Variants in TTC28 observed in about 807,000 individuals in gnomAD.
The protein encoded by TTC28 is tetratricopeptide repeat domain 28.
TTC28 carries 61 observed loss-of-function variants against 198.0 expected under a neutral mutation model. That is an observed-to-expected ratio of 0.31 (90% CI 0.25 to 0.38). The LOEUF (loss-of-function observed/expected upper bound fraction) is 0.38, where lower values mean the gene tolerates loss of function less well. Among genes scored for constraint, TTC28 ranks in the 10% least tolerant of loss-of-function variants. The pLI is 1.00. For synonymous variants in TTC28, 1,171 were observed against 1,297.8 expected, an observed-to-expected ratio of 0.90 and a Z score of 2.10; for missense variants, 2,678 against 3,164.0, an observed-to-expected ratio of 0.85 and a Z score of 3.69.
At chr22:28,145,820 T>G (rs536629879) in intron 6 of TTC28, among the ~76,000 whole-genome samples, 1 of 152,298 alleles carries the variant, frequency 6.6e-6, no homozygotes, top group Admixed American at 6.5e-5. Flanking sequence ...ATTACAACAG[T>G]TTTGAGTGTT....
intron 21 of TTC28, 55 bp downstream of exon 21, chr22:27,989,821 CAG>C (rs923738559): frequency 6.3e-5 from 96 of 1,519,282 alleles, no homozygotes; most frequent in African/African-American, 6.2e-4. Context: ...GGAGGAAAAA[CAG>C]AGATTTAAAA....
intron 2 of TTC28, among the ~76,000 whole-genome samples, chr22:28,358,761 T>C (rs1327487899): frequency 6.6e-6 from 1 of 152,190 alleles, no homozygotes; most frequent in Non-Finnish European, 1.5e-5. Flanking sequence ...GAGGTACCCA[T>C]GTGTCCACTG....
intron 19 of TTC28, among the ~76,000 whole-genome samples, 197 bp from the exon 20 acceptor site, chr22:27,991,009 G>A (rs1296346352): frequency 1.3e-5 from 2 of 152,156 alleles, no homozygotes; most frequent in African/African-American, 2.4e-5. Context: ...ACCCAGGCCA[G>A]CCGCGTGCGG....
rs774572814 is a variant in TTC28, at chr22:27,983,474, C to G, written c.6193G>C (p.Glu2065Gln). The G allele has an allele frequency of 1.2e-5, 19 of 1,545,984 alleles. No homozygotes were observed. Among genetic ancestry groups the G allele is most frequent in the Admixed American group, 4.1e-5 (2 of 49,274 alleles). Residue 2065 changes from glutamate to glutamine, a missense_variant, in exon 23 of 23, where the codon GAG (glutamate) becomes CAG (glutamine). Around this residue, in one of 8 missense-constraint regions of TTC28, gnomAD observed 622 missense variants for 656.0 expected, o/e 0.95. Coordinates refer to ENST00000397906, the MANE Select transcript of TTC28 (RefSeq NM_001145418.2). ...TTTTCTTGGTAGGTCGCCAAGGGCT[C>G]GTTACTGATGATAGAAAACCCTTCA... is the stretch of plus-strand genomic sequence containing the variant. ...EYEGFSIISN[E>Q]PLATYQENRN...
At chr22:28,661,598 G>GAAAAA (rs2051748867) in intron 1 of TTC28, among the ~76,000 whole-genome samples, 1 of 151,536 alleles carries the variant, frequency 6.6e-6, no homozygotes, top group Admixed American at 6.6e-5. Context: ...TTGACTGATT[G>GAAAAA]ATAGACAGAT....
chr22:28,600,827 G>C (rs577584010), intron 2 of TTC28, among the ~76,000 whole-genome samples: 69 of 152,254 alleles, frequency 4.5e-4, no homozygotes, highest in Non-Finnish European at 9.0e-4. Flanking sequence ...TGGTCACAAG[G>C]ATTTATAAAA....
intron 2 of TTC28, among the ~76,000 whole-genome samples, chr22:28,353,492 A>G (rs1002911083): frequency 4.6e-5 from 7 of 152,210 alleles, no homozygotes; most frequent in African/African-American, 1.4e-4. Flanking sequence ...TGGCATAAAG[A>G]CAGACATTGA....
intron 2 of TTC28, among the ~76,000 whole-genome samples, chr22:28,520,772 G>A (rs1447730785): frequency 2.6e-5 from 4 of 151,774 alleles, no homozygotes; most frequent in African/African-American, 9.7e-5. Context: ...ACAAAACAGG[G>A]CCTGGCAAGG....
chr22:28,086,438 A>G (rs902045193), intron 12 of TTC28, among the ~76,000 whole-genome samples: 2 of 152,196 alleles, frequency 1.3e-5, no homozygotes, highest in African/African-American at 4.8e-5. Flanking sequence ...AAATGAAGGC[A>G]GAAATAAAGA....
chr22:28,321,703 T>G (rs926515915), intron 2 of TTC28, among the ~76,000 whole-genome samples: 2 of 152,136 alleles, frequency 1.3e-5, no homozygotes, highest in African/African-American at 4.8e-5. Flanking sequence ...AATGACAACT[T>G]AGAAAAAGTT....
intron 5 of TTC28, among the ~76,000 whole-genome samples, chr22:28,193,459 G>A (rs951893642): frequency 1.1e-4 from 16 of 152,112 alleles, no homozygotes; most frequent in Admixed American, 2.6e-4. Context: ...ATGTAAATGG[G>A]CTAAATGCTC....
intron 2 of TTC28, among the ~76,000 whole-genome samples, chr22:28,519,188 A>C (rs118074551): frequency 1.8e-4 from 27 of 152,308 alleles, no homozygotes; most frequent in Admixed American, 1.2e-3. Context: ...AATTTTTAAC[A>C]ATCAGATCCA....
intron 6 of TTC28, among the ~76,000 whole-genome samples, chr22:28,121,439 C>T (rs1291516482): frequency 6.6e-6 from 1 of 152,194 alleles, no homozygotes; most frequent in Non-Finnish European, 1.5e-5. Flanking sequence ...CAGTTTTTCT[C>T]CCTCTGATCA....
At position 27,993,435 on chromosome 22, in the gene TTC28, G is replaced by T. The variant is rs756419555; in HGVS notation, c.5328C>A (p.Gly1776=). Residue 1776 remains glycine, a synonymous_variant, in exon 18 of 23, where the codon GGC becomes GGA. Coordinates refer to ENST00000397906, the MANE Select transcript of TTC28 (RefSeq NM_001145418.2). ...TSQQSVENKV[G]GIPGWQALLT... ...GGAGGGCCTGCCAGCCAGGGATGCC[G>T]CCCACTTTGTTCTCCACACTCTGCT... is the stretch of plus-strand genomic sequence containing the variant. The T allele has an allele frequency of 6.4e-7, 1 of 1,551,572 alleles. No homozygotes were observed. The highest frequency in any genetic ancestry group is 1.4e-5 in the African/African-American group (1 of 73,186).
intron 2 of TTC28, among the ~76,000 whole-genome samples, chr22:28,408,912 A>G (rs2047039628): frequency 6.6e-6 from 1 of 152,234 alleles, no homozygotes; most frequent in Non-Finnish European, 1.5e-5. Flanking sequence ...ACTAGGCAAC[A>G]GTATATCTTG....
chr22:28,609,598 C>T (rs1253399290), intron 2 of TTC28, among the ~76,000 whole-genome samples: 1 of 152,194 alleles, frequency 6.6e-6, no homozygotes, highest in Admixed American at 6.5e-5. Context: ...AGATTCCTTC[C>T]GATGCCTATG....
intron 1 of TTC28, among the ~76,000 whole-genome samples, chr22:28,644,728 T>C (rs2051427860): frequency 6.7e-6 from 1 of 148,952 alleles, no homozygotes; most frequent in African/African-American, 2.5e-5. Context: ...GAGGCTGAGG[T>C]GGGAGGATTG....
At chr22:28,132,347 A>C (rs1288470400) in intron 6 of TTC28, among the ~76,000 whole-genome samples, 3 of 152,232 alleles carry the variant, frequency 2.0e-5, no homozygotes, top group Admixed American at 2.0e-4. Flanking sequence ...AGCAGTCTGA[A>C]TATACTTCAA....
Position 28,241,396 on chromosome 22 carries a change from G to A in TTC28, c.933+54802C>T, listed in dbSNP as rs561018012. ...AAAACTAAATGCAAAATCTAATCCT[G>A]GATTGGATCCTGGACAAGGAAAAAT... On this transcript the variant is annotated intron_variant, in intron 5 of 22. Coordinates refer to ENST00000397906, the MANE Select transcript of TTC28 (RefSeq NM_001145418.2). 1.6e-4 allele frequency among the ~76,000 whole-genome samples: 24 copies of A among 152,094 alleles called. 1 individual carries two copies. The South Asian group carries it at 5.0e-3, about 32-fold the overall frequency.
Sources: gnomAD v4.1 joint callset for allele counts (sites outside exome capture counted in the v4.1 genomes callset) on GRCh38, gnomAD v4.1.1 for gene constraint, gnomAD v4.1.1 regional missense constraint, MANE v1.5 for transcripts, NCBI Gene and HGNC (gene_info 2026-07-23, HGNC 2026-07-21) for gene names.